SV2C: variants seen among roughly 807,000 people sequenced by gnomAD.
SV2C encodes the protein synaptic vesicle glycoprotein 2C, also known as solute carrier family 22 member B3.
SV2C carries 49 observed loss-of-function variants against 79.7 expected under a neutral mutation model. That is an observed-to-expected ratio of 0.61 (90% CI 0.49 to 0.78). SV2C has a LOEUF of 0.78. SV2C is among the 30% of genes least tolerant of loss of function. SV2C has a pLI of 0.00. For missense variants in SV2C, 833 were observed against 912.9 expected (o/e 0.91, Z 1.13); for synonymous variants, 334 against 333.2 (o/e 1.00, Z -0.03).
the SV2C span, among the ~76,000 whole-genome samples, chr5:76,037,400 A>T: frequency 0.033 from 5,010 of 152,016 alleles, 257 homozygotes; most frequent in African/African-American, 0.11. Flanking sequence ...GTCTTTGATG[A>T]TGGTGATGTA....
chr5:75,985,949 G>T, the SV2C span, among the ~76,000 whole-genome samples: 1 of 151,504 alleles, frequency 6.6e-6, no homozygotes, highest in Non-Finnish European at 1.5e-5. Context: ...AGGATAATGG[G>T]CTTATTAAGT....
At chr5:75,984,170 C>A in the SV2C span, among the ~76,000 whole-genome samples, 2 of 152,036 alleles carry the variant, frequency 1.3e-5, no homozygotes, top group Admixed American at 1.3e-4. Context: ...ATGGAAACTG[C>A]ATGAACAATG....
downstream of SV2C, among the ~76,000 whole-genome samples, chr5:76,337,058 G>A (rs745508565): frequency 3.4e-4 from 52 of 152,212 alleles, no homozygotes; most frequent in Middle Eastern, 3.4e-3. Flanking sequence ...GATATCTGAT[G>A]CAATGAAGTT....
chr5:75,980,466 C>T, the SV2C span, among the ~76,000 whole-genome samples: 1 of 152,098 alleles, frequency 6.6e-6, no homozygotes, highest in Non-Finnish European at 1.5e-5. Context: ...AAATCCTCCA[C>T]AAAATACTGG....
At chr5:76,026,652 G>A in the SV2C span, among the ~76,000 whole-genome samples, 4 of 152,208 alleles carry the variant, frequency 2.6e-5, no homozygotes, top group African/African-American at 4.8e-5. Flanking sequence ...AGAGCTAGAC[G>A]TAGGAAGCCA....
chr5:76,299,530 G>A (rs1286119261), intron 10 of SV2C, among the ~76,000 whole-genome samples: 1 of 152,202 alleles, frequency 6.6e-6, no homozygotes, highest in Non-Finnish European at 1.5e-5. Flanking sequence ...TTTGAACCCA[G>A]ATTTATTTGA....
At chr5:76,037,737 A>T in the SV2C span, among the ~76,000 whole-genome samples, 1 of 152,190 alleles carries the variant, frequency 6.6e-6, no homozygotes, top group African/African-American at 2.4e-5. Context: ...GAGCCTACAG[A>T]GGCAGGCAGG....
At chr5:76,267,471 A>G (rs566979244) in intron 4 of SV2C, among the ~76,000 whole-genome samples, 27 of 152,320 alleles carry the variant, frequency 1.8e-4, no homozygotes, top group African/African-American at 6.5e-4. Flanking sequence ...ATGCCTTTTT[A>G]ACTGTGGAGG....
At chr5:75,914,248 TC>T in the SV2C span, among the ~76,000 whole-genome samples, 1 of 152,220 alleles carries the variant, frequency 6.6e-6, no homozygotes, top group Non-Finnish European at 1.5e-5. Context: ...TCCCCACACC[TC>T]ATTCATTTAA....
intron 4 of SV2C, among the ~76,000 whole-genome samples, chr5:76,243,879 G>A (rs996067609): frequency 2.6e-5 from 4 of 152,164 alleles, no homozygotes; most frequent in Non-Finnish European, 5.9e-5. Flanking sequence ...CACTGGCCTT[G>A]CTCTGCTCTG....
chr5:75,962,845 C>T, the SV2C span, among the ~76,000 whole-genome samples: 1 of 151,990 alleles, frequency 6.6e-6, no homozygotes, highest in Non-Finnish European at 1.5e-5. Context: ...GGGAATGGTT[C>T]CCACAGAATA....
chr5:76,267,422 A>G (rs1232365332), intron 4 of SV2C, among the ~76,000 whole-genome samples: 1 of 152,212 alleles, frequency 6.6e-6, no homozygotes, highest in East Asian at 1.9e-4. Flanking sequence ...CAAGTACAAT[A>G]TGATGATTTT....
At chr5:75,888,792 G>A in the SV2C span, among the ~76,000 whole-genome samples, 4 of 151,998 alleles carry the variant, frequency 2.6e-5, no homozygotes, top group South Asian at 2.1e-4. Flanking sequence ...GCCTGTTTCC[G>A]TGTTTTGCCC....
intron 4 of SV2C, among the ~76,000 whole-genome samples, chr5:76,258,637 A>T (rs1358514471): frequency 6.6e-6 from 1 of 152,222 alleles, no homozygotes; most frequent in East Asian, 1.9e-4. Context: ...GTGGAAATGT[A>T]ATCTTGCTGC....
At chr5:76,142,231 G>A (rs2112210538) in intron 2 of SV2C, among the ~76,000 whole-genome samples, 1 of 152,302 alleles carries the variant, frequency 6.6e-6, no homozygotes, top group South Asian at 2.1e-4. Context: ...AGAAGTAAAT[G>A]AGTGTAGTTC....
chr5:75,917,806 ATAACT>A, the SV2C span, among the ~76,000 whole-genome samples: 2 of 151,302 alleles, frequency 1.3e-5, no homozygotes, highest in African/African-American at 4.8e-5. Flanking sequence ...ATATTTTAAA[ATAACT>A]TAAAGAGTGT....
At chr5:76,028,136 G>A in the SV2C span, among the ~76,000 whole-genome samples, 8 of 152,164 alleles carry the variant, frequency 5.3e-5, no homozygotes, top group East Asian at 5.8e-4. Context: ...GTCCCTCCCC[G>A]CATCATGGCT....
chr5:76,041,332 C>G, the SV2C span, among the ~76,000 whole-genome samples: 2 of 152,136 alleles, frequency 1.3e-5, no homozygotes, highest in Non-Finnish European at 2.9e-5. Context: ...TGGCTTTAGC[C>G]CTGTTGCAAA....
intron 2 of SV2C, among the ~76,000 whole-genome samples, chr5:76,192,062 T>C (rs193292918): frequency 6.6e-6 from 1 of 152,202 alleles, no homozygotes; most frequent in Non-Finnish European, 1.5e-5. Context: ...TTCACATCTT[T>C]GGAGTTAAAA....
Sources: allele counts gnomAD v4.1 joint callset (sites outside exome capture counted in the v4.1 genomes callset), GRCh38; gene constraint gnomAD v4.1.1; transcripts MANE v1.5; gene names NCBI Gene and HGNC (gene_info 2026-07-23, HGNC 2026-07-21).